Variants in ATP2C2 observed in about 807,000 individuals in gnomAD.
The protein encoded by ATP2C2 is calcium-transporting ATPase type 2C member 2.
A neutral mutation model predicts 110.8 loss-of-function variants in ATP2C2; 171 were observed. That is an observed-to-expected ratio of 1.54 (90% CI 1.36 to 1.75). The LOEUF (loss-of-function observed/expected upper bound fraction) is 1.75, where lower values mean the gene tolerates loss of function less well. ATP2C2 is among the 40% of genes most tolerant of loss of function. The probability of loss-of-function intolerance (pLI) is 0.00; values close to 1 mark genes in which losing one functional copy is unlikely to be tolerated. For synonymous variants in ATP2C2, 804 were observed against 508.4 expected (o/e 1.58, Z -7.82); for missense variants, 1,963 against 1,235.0 (o/e 1.59, Z -8.84).
chr16:84,399,835 C>A (rs980634408), intron 2 of ATP2C2, among the ~76,000 whole-genome samples: 25 of 152,210 alleles, frequency 1.6e-4, no homozygotes, highest in Non-Finnish European at 2.2e-4. Flanking sequence ...GTCGCCCTGT[C>A]ATGCCAGCAA....
chr16:84,406,385 C>A (rs1477045505), intron 3 of ATP2C2, among the ~76,000 whole-genome samples: 1 of 152,224 alleles, frequency 6.6e-6, no homozygotes, highest in East Asian at 1.9e-4. Flanking sequence ...TCCCCTTTTC[C>A]AGCCTTTTGC....
intron 21 of ATP2C2, among the ~76,000 whole-genome samples, chr16:84,458,545 G>T (rs1248959847): frequency 1.3e-5 from 2 of 151,702 alleles, no homozygotes; most frequent in Admixed American, 1.3e-4. Flanking sequence ...CAGCTCTATA[G>T]TTCTTTTCAA....
chr16:84,375,111 G>C (rs4782937), intron 1 of ATP2C2, among the ~76,000 whole-genome samples: 151,364 of 152,372 alleles, frequency 0.99, 75,184 homozygotes, highest in Middle Eastern at 1. Context: ...TTAAAAAATG[G>C]CCATGAGTAG....
At chr16:84,398,062 G>A (rs1905099329) in intron 1 of ATP2C2, among the ~76,000 whole-genome samples, 1 of 151,896 alleles carries the variant, frequency 6.6e-6, no homozygotes, top group South Asian at 2.1e-4. Context: ...GTTAGTTTGT[G>A]AGCTGTACAC....
intron 11 of ATP2C2, among the ~76,000 whole-genome samples, chr16:84,433,425 C>T (rs114671545): frequency 6.6e-6 from 1 of 151,694 alleles, no homozygotes; most frequent in Non-Finnish European, 1.5e-5. Context: ...AAAAAAATCT[C>T]CTGCAGATCA....
At chr16:84,451,441 A>G (rs1435123325) in intron 17 of ATP2C2, among the ~76,000 whole-genome samples, 1 of 152,262 alleles carries the variant, frequency 6.6e-6, no homozygotes, top group Non-Finnish European at 1.5e-5. Context: ...GCACCTGCGC[A>G]GGCCTGAGAG....
Position 84,412,508 on chromosome 16 carries a change from CTGTG to C in ATP2C2, c.515+1749_515+1752del, listed in dbSNP as rs60429618. ...TATGTGTGCATGTGTGTATATGTGT[CTGTG>C]TGTGTCTGTGTGTGCATGTGTCTGT... On this transcript the variant is annotated intron_variant, in intron 6 of 26. Transcript: ENST00000262429. Among the ~76,000 whole-genome samples, 668 of 146,804 alleles carry C rather than the reference CTGTG, an allele frequency of 4.6e-3. 2 individuals carry two copies. Among genetic ancestry groups the C allele is most frequent in the African/African-American group, 0.016 (636 of 38,994 alleles).
intron 1 of ATP2C2, among the ~76,000 whole-genome samples, chr16:84,393,660 C>T (rs1273858791): frequency 6.6e-6 from 1 of 150,956 alleles, no homozygotes; most frequent in Non-Finnish European, 1.5e-5. Context: ...AGTGGAAACC[C>T]ATGCTGAGAT....
chr16:84,442,753 G>A (rs1909388807), intron 15 of ATP2C2, among the ~76,000 whole-genome samples, 154 bp downstream of exon 15: 1 of 151,854 alleles, frequency 6.6e-6, no homozygotes, highest in South Asian at 2.1e-4. Flanking sequence ...ATCTGTTGGT[G>A]GTGGAGGAGG....
Position 84,462,104 on chromosome 16 carries a change from C to T in ATP2C2, c.2697C>T (p.Phe899=), listed in dbSNP as rs377048627. 38 of 1,613,734 alleles carry T rather than the reference C, an allele frequency of 2.4e-5. No individual in the cohort carries two copies. The highest frequency in any genetic ancestry group is 2.6e-5 in the Non-Finnish European group (31 of 1,179,870). The stretch of plus-strand genomic sequence containing the variant: ...ACATCCCCCCGCTGCAGAGGGTCTT[C>T]CAGACGGAGAACCTGGGAGCGCTTG... The part of the protein sequence containing the change: ...VIYIPPLQRV[F]QTENLGALDL... Residue 899 remains phenylalanine, a synonymous_variant, in exon 26 of 27, where the codon TTC becomes TTT. Transcript: ENST00000262429.
At chr16:84,419,960 C>T (rs369111284) in intron 7 of ATP2C2, among the ~76,000 whole-genome samples, 3 of 152,276 alleles carry the variant, frequency 2.0e-5, no homozygotes, top group African/African-American at 4.8e-5. Flanking sequence ...CAGCTTTTGG[C>T]GCAAAACAGC....
intron 16 of ATP2C2, 139 bp from the exon 17 acceptor site, chr16:84,448,388 CTGTGAA>C (rs1364560852): frequency 1.9e-6 from 2 of 1,030,148 alleles, no homozygotes; most frequent in Middle Eastern, 3.1e-4. Flanking sequence ...TGTCCAGCAC[CTGTGAA>C]CAGCACCAGC....
chr16:84,373,829 C>T (rs1007712033), intron 1 of ATP2C2, among the ~76,000 whole-genome samples: 1 of 152,188 alleles, frequency 6.6e-6, no homozygotes, highest in Non-Finnish European at 1.5e-5. Flanking sequence ...ATCGTAAGTT[C>T]TGTTCTTTAA....
rs375096787 is a variant in ATP2C2, at chr16:84,433,382, TAAAA to T, written c.987-5781_987-5778del. On this transcript the variant is annotated intron_variant, in intron 11 of 26. Coordinates refer to ENST00000262429, the MANE Select transcript of ATP2C2 (RefSeq NM_014861.4). ...TGGGCAACACAGCAAGACCCTATCTTAAAAAACAAAAACAAAAGAAAACCAAAAA... is the reference window on the plus strand; with the variant it reads ...TGGGCAACACAGCAAGACCCTATCTTAACAAAAACAAAAGAAAACCAAAAA... 9.0e-3 allele frequency among the ~76,000 whole-genome samples: 1,331 copies of T among 147,720 alleles called. 20 individuals carry two copies. The highest frequency in any genetic ancestry group is 0.031 in the African/African-American group (1,224 of 39,288).
chr16:84,456,368 T>G (rs1473037763), intron 21 of ATP2C2, among the ~76,000 whole-genome samples: 5 of 151,962 alleles, frequency 3.3e-5, no homozygotes, highest in Admixed American at 2.0e-4. Context: ...AGAGTGTATG[T>G]GTCCACAGCC....
chr16:84,408,544 C>T (rs1360023309), intron 4 of ATP2C2, 50 bp downstream of exon 4: 30 of 1,435,852 alleles, frequency 2.1e-5, no homozygotes, highest in Non-Finnish European at 2.7e-5. Context: ...CACAGGTCTG[C>T]TGAGTCTCTG....
chr16:84,411,795 A>G (rs1906319016), intron 6 of ATP2C2, among the ~76,000 whole-genome samples: 2 of 152,166 alleles, frequency 1.3e-5, no homozygotes, highest in Admixed American at 1.3e-4. Context: ...AAATATGCAC[A>G]TGGACCTAGT....
intron 24 of ATP2C2, chr16:84,461,101 T>TA: frequency 2.5e-6 from 1 of 394,402 alleles, no homozygotes; most frequent in East Asian, 4.5e-5. Flanking sequence ...TGTTCCCTTG[T>TA]CACCAGGAAA....
At chr16:84,378,198 G>C (rs1280294352) in intron 1 of ATP2C2, among the ~76,000 whole-genome samples, 1 of 152,194 alleles carries the variant, frequency 6.6e-6, no homozygotes, top group African/African-American at 2.4e-5. Flanking sequence ...GCACTTCTCA[G>C]GACGCTCCCT....
Sources: allele counts gnomAD v4.1 joint callset (sites outside exome capture counted in the v4.1 genomes callset), GRCh38; gene constraint gnomAD v4.1.1; transcripts MANE v1.5; gene names NCBI Gene and HGNC (gene_info 2026-07-23, HGNC 2026-07-21).